The following ZNF696 variants were observed in gnomAD, a reference collection of about 807,000 sequenced individuals.
ZNF696 encodes zinc finger protein 696.
ZNF696 carries 10 observed loss-of-function variants against 12.3 expected under a neutral mutation model. The ratio of observed to expected loss-of-function variants is 0.81; its 90% CI spans 0.50 to 1.38. ZNF696 has a LOEUF of 1.38. Among genes scored for constraint, ZNF696 ranks in the 40% most tolerant of loss-of-function variants. ZNF696 has a pLI of 0.00. For missense variants in ZNF696, 675 were observed against 554.7 expected, an observed-to-expected ratio of 1.22 and a Z score of -2.18; for synonymous variants, 304 against 243.9, an observed-to-expected ratio of 1.25 and a Z score of -2.29.
chr8:143,294,310 C>T (rs1011597699), intron 2 of ZNF696, among the ~76,000 whole-genome samples: 3 of 152,218 alleles, frequency 2.0e-5, no homozygotes, highest in Admixed American at 6.5e-5. Context: ...GTTGCTCAGC[C>T]TGACCAGCGC....
Position 143,298,235 on chromosome 8 carries a change from TC to T in ZNF696, c.*1437del, listed in dbSNP as rs1453485319. 6.6e-6 allele frequency among the ~76,000 whole-genome samples: 1 copy of T among 152,182 alleles called. No homozygotes were observed. Among genetic ancestry groups the T allele is most frequent in the Non-Finnish European group, 1.5e-5 (1 of 68,038 alleles). On this transcript the variant is annotated 3_prime_UTR_variant, in exon 3 of 3. Transcript: ENST00000330143. ...AGGACTAATTGGGAAGAATTCTGGG[TC>T]CTGAGCTGGCTGCCGCTTCCAAGAC...
Position 143,296,198 on chromosome 8 carries a change from C to T in ZNF696, c.523C>T (p.His175Tyr), listed in dbSNP as rs1371850483. Reference protein sequence around the residue: ...SSHVVRHQRAHSGERPYACAE... With the variant: ...SSHVVRHQRAYSGERPYACAE... ...GCACGTGGTCCGGCACCAGCGGGCG[C>T]ACAGCGGGGAGAGGCCCTACGCGTG... Residue 175 changes from histidine (H) to tyrosine (Y), a missense_variant, in exon 3 of 3, where the codon CAC becomes TAC. Transcript: ENST00000330143. The T allele has an allele frequency of 2.5e-6, 4 of 1,596,438 alleles. No individual in the cohort carries two copies. The highest frequency in any genetic ancestry group is 3.4e-6 in the Non-Finnish European group (4 of 1,174,908).
At position 143,297,006 on chromosome 8, in the gene ZNF696, C is replaced by T. The variant is rs914693165; in HGVS notation, c.*206C>T. On this transcript the variant is annotated 3_prime_UTR_variant, in exon 3 of 3. Coordinates refer to ENST00000330143, the MANE Select transcript of ZNF696 (RefSeq NM_030895.3). ...AGGGCTCGGGGAAGGCGAGCGCTGCCCGCGGGAGGCGATTCCCAGAGGCGG... is the reference window on the plus strand; with the variant it reads ...AGGGCTCGGGGAAGGCGAGCGCTGCTCGCGGGAGGCGATTCCCAGAGGCGG... 1.6e-4 allele frequency: 80 copies of T among 492,494 alleles called. No homozygotes were observed. The highest frequency in any genetic ancestry group is 8.9e-5 in the Admixed American group (2 of 22,550). The allele number at this position is 492,494 out of a possible 1,614,324, so 30.5% of individuals were successfully genotyped here. A position where few individuals can be genotyped will look rare whatever the true frequency, so the allele number is the denominator to read the frequency against.
Position 143,296,710 on chromosome 8 carries a change from C to T in ZNF696, c.1035C>T (p.Gly345=), listed in dbSNP as rs1274442077. 1.9e-6 allele frequency: 3 copies of T among 1,554,136 alleles called. No homozygotes were observed. Among genetic ancestry groups the T allele is most frequent in the East Asian group, 2.4e-5 (1 of 42,078 alleles). The change falls in exon 3 of 3, where the codon GGC becomes GGT. Residue 345 remains glycine (G), a synonymous_variant. Coordinates refer to ENST00000330143, the MANE Select transcript of ZNF696 (RefSeq NM_030895.3). The part of the protein sequence containing the change: ...GFFRHQRLHT[G]EKPFRCTECG... The stretch of plus-strand genomic sequence containing the variant: ...TCCGGCACCAGCGACTCCACACGGG[C>T]GAGAAGCCGTTCCGCTGCACCGAGT...
intron 2 of ZNF696, chr8:143,293,423 C>T (rs1815657888): frequency 2.5e-6 from 1 of 406,402 alleles, no homozygotes; most frequent in Non-Finnish European, 4.4e-6. Context: ...ACCCTCGCCT[C>T]TGCCCACTTG....
In ZNF696 at chr8:143,293,198, G is replaced by C. The variant is rs1234038304; in HGVS notation, c.64+133G>C. The C allele has an allele frequency of 5.7e-6, 4 of 699,140 alleles. No individual in the cohort carries two copies. In the African/African-American group the frequency reaches 7.1e-5, roughly 12 times the overall value. 43.3% of individuals were successfully genotyped at this position (699,140 alleles called of 1,614,324 possible). ...CCTTGGGCGCAGGGTGAGGGAGGGA[G>C]GTAAACGCAGGCCCATCAGATCTCC... On this transcript the variant is annotated intron_variant, in intron 2 of 2. Transcript: ENST00000330143.
chr8:143,295,605 T>G, intron 2 of ZNF696, 135 bp from the exon 3 acceptor site: 1 of 1,023,448 alleles, frequency 9.8e-7, no homozygotes, highest in South Asian at 1.7e-5. Flanking sequence ...GGGAACTGAA[T>G]GGGCAAAATC....
In ZNF696 at chr8:143,296,518, C is replaced by T. The variant is rs778279255; in HGVS notation, c.843C>T (p.Leu281=). 50 of 1,607,228 alleles carry T rather than the reference C, an allele frequency of 3.1e-5. No individual in the cohort carries two copies. Among genetic ancestry groups the T allele is most frequent in the Non-Finnish European group, 4.0e-5 (47 of 1,179,210 alleles). Residue 281 remains leucine (L), a synonymous_variant, in exon 3 of 3, where the codon CTC becomes CTT. Coordinates refer to ENST00000330143, the MANE Select transcript of ZNF696 (RefSeq NM_030895.3). The part of the protein sequence containing the change: ...GQAFSQSSNL[L]QHQRVHTGER... ...CCTTCAGCCAGAGCTCCAACCTCCTCCAGCACCAGCGCGTGCACACGGGGG... is the reference window on the plus strand; with the variant it reads ...CCTTCAGCCAGAGCTCCAACCTCCTTCAGCACCAGCGCGTGCACACGGGGG...
rs757086398 is a variant in ZNF696, at chr8:143,296,434, C to G, written c.759C>G (p.Val253=). The change falls in exon 3 of 3, where the codon GTC becomes GTG. Residue 253 remains valine (V), a synonymous_variant. Coordinates refer to ENST00000330143, the MANE Select transcript of ZNF696 (RefSeq NM_030895.3). ...GKRFLHSSNV[V]RHRRTHHGEN... ...GCTTCCTGCACAGCTCGAACGTGGT[C>G]CGGCACCGGCGGACCCACCACGGGG... The G allele has an allele frequency of 5.0e-6, 8 of 1,605,742 alleles. No homozygotes were observed. In the Admixed American group the frequency reaches 6.7e-5, roughly 13 times the overall value.
rs981089137 is a variant in ZNF696, at chr8:143,296,904, C to T, written c.*104C>T. ...TGCGCGGTGAGGAAGTAACAGCCGG[C>T]TGCGCGCCTGGTTCTCGGGTTGCGA... On this transcript the variant is annotated 3_prime_UTR_variant, in exon 3 of 3. Transcript: ENST00000330143. 4.5e-6 allele frequency: 5 copies of T among 1,120,074 alleles called. No individual in the cohort carries two copies. In the East Asian group the frequency reaches 1.6e-4, roughly 37 times the overall value. 69.4% of individuals were successfully genotyped at this position (1,120,074 alleles called of 1,614,324 possible).
rs1238720063 is a variant in ZNF696, at chr8:143,298,684, A to G, written c.*1884A>G. ...TAGTTATGTGTGAGGTGTTCAAAGA[A>G]GTCGCGCAGTCAGTGATGAGAAAGC... On this transcript the variant is annotated 3_prime_UTR_variant, in exon 3 of 3. Transcript: ENST00000330143. 2.0e-5 allele frequency among the ~76,000 whole-genome samples: 3 copies of G among 152,240 alleles called. No homozygotes were observed. The highest frequency in any genetic ancestry group is 4.4e-5 in the Non-Finnish European group (3 of 68,042).
At position 143,298,232 on chromosome 8, in the gene ZNF696, G is replaced by A. The variant is rs1027940013; in HGVS notation, c.*1432G>A. On this transcript the variant is annotated 3_prime_UTR_variant, in exon 3 of 3. Transcript: ENST00000330143. ...GTAAGGACTAATTGGGAAGAATTCT[G>A]GGTCCTGAGCTGGCTGCCGCTTCCA... Among the ~76,000 whole-genome samples, 1 of 152,126 alleles carries A rather than the reference G, an allele frequency of 6.6e-6. No individual in the cohort carries two copies. Among genetic ancestry groups the A allele is most frequent in the Non-Finnish European group, 1.5e-5 (1 of 68,032 alleles).
chr8:143,296,776 C>T lies in ZNF696; in HGVS notation c.1101C>T (p.His367=). 4 of 1,434,090 alleles carry T rather than the reference C, an allele frequency of 2.8e-6. No homozygotes were observed. The highest frequency in any genetic ancestry group is 1.5e-5 in the South Asian group (1 of 67,602). 88.8% of individuals were successfully genotyped at this position (1,434,090 alleles called of 1,614,324 possible). The change falls in exon 3 of 3, where the codon CAC becomes CAT. Residue 367 remains histidine, a synonymous_variant. Transcript: ENST00000330143. ...AFRLSFHLIQ[H]RRVHGAE Reference sequence around the variant, plus strand: ...GCCTGAGCTTCCACCTCATCCAGCACCGGCGGGTGCATGGCGCCGAGTGAG... The same window carrying T: ...GCCTGAGCTTCCACCTCATCCAGCATCGGCGGGTGCATGGCGCCGAGTGAG...
At chr8:143,293,344 C>T (rs1442961926) in intron 2 of ZNF696, 3 of 537,924 alleles carry the variant, frequency 5.6e-6, no homozygotes, top group African/African-American at 3.8e-5. Context: ...ACCTTGGCAC[C>T]GTGGCTGTTT....
rs1256397276 is a variant in ZNF696 at position 143,296,447 on chromosome 8, AC to A, written c.775del (p.His259ThrfsTer102). ...HSSNVVRHRR[T>X]HHGENPYECR... ...CTCGAACGTGGTCCGGCACCGGCGGACCCACCACGGGGAGAACCCGTACGAG... is the reference window on the plus strand; with the variant it reads ...CTCGAACGTGGTCCGGCACCGGCGGACCACCACGGGGAGAACCCGTACGAG... On this transcript the variant is annotated frameshift_variant, in exon 3 of 3. Transcript: ENST00000330143. LOFTEE classifies it high-confidence loss of function. 1.3e-6 allele frequency: 2 copies of A among 1,594,860 alleles called. No individual in the cohort carries two copies. The highest frequency in any genetic ancestry group is 1.7e-6 in the Non-Finnish European group (2 of 1,175,310).
chr8:143,296,122 G>A lies in ZNF696; in HGVS notation c.447G>A (p.Gly149=). 1 of 1,609,978 alleles carries A rather than the reference G, an allele frequency of 6.2e-7. No individual in the cohort carries two copies. The highest frequency in any genetic ancestry group is 1.1e-5 in the South Asian group (1 of 90,796). The stretch of plus-strand genomic sequence containing the variant: ...CAAAGCACCGGAGCATCCACTCGGG[G>A]GAGAAACCGTACGAGTGCAGCGACT... ...DAAKHRSIHS[G]EKPYECSDCG... Residue 149 remains glycine, a synonymous_variant, in exon 3 of 3, where the codon GGG becomes GGA. Transcript: ENST00000330143.
chr8:143,296,276 C>A lies in ZNF696; in HGVS notation c.601C>A (p.Arg201Ser). Residue 201 changes from arginine to serine, a missense_variant, in exon 3 of 3, where the codon CGC becomes AGC. Physicochemically the swap from Arg to Ser is moderately radical, Grantham distance 110. Transcript: ENST00000330143. ...GAGCTTCAACCTCCTCCGGCACCAG[C>A]GCGTGCACACGGGCGAGAAGCCCTA... is the stretch of plus-strand genomic sequence containing the variant. Reference protein sequence around the residue: ...GQSFNLLRHQRVHTGEKPYAC... With the variant: ...GQSFNLLRHQSVHTGEKPYAC... 6.3e-7 allele frequency: 1 copy of A among 1,598,906 alleles called. No homozygotes were observed. Among genetic ancestry groups the A allele is most frequent in the South Asian group, 1.1e-5 (1 of 90,442 alleles).
Position 143,298,530 on chromosome 8 carries a change from T to C in ZNF696, c.*1730T>C, listed in dbSNP as rs115016258. 0.02 allele frequency among the ~76,000 whole-genome samples: 3,006 copies of C among 152,262 alleles called. 102 individuals carry two copies. Among genetic ancestry groups the C allele is most frequent in the African/African-American group, 0.069 (2,866 of 41,538 alleles). ...CTCATTCCTGCTCGTAAGTCAGGCATTCAGCTTGCAAAGATCCCCAAGCAC... is the reference window on the plus strand; with the variant it reads ...CTCATTCCTGCTCGTAAGTCAGGCACTCAGCTTGCAAAGATCCCCAAGCAC... On this transcript the variant is annotated 3_prime_UTR_variant, in exon 3 of 3. Coordinates refer to ENST00000330143, the MANE Select transcript of ZNF696 (RefSeq NM_030895.3).
rs1029966676 is a variant in ZNF696 at position 143,291,577 on chromosome 8, T to C, written c.-221T>C. The C allele has an allele frequency of 1.0e-6, 1 of 984,056 alleles. No homozygotes were observed. The highest frequency in any genetic ancestry group is 1.2e-6 in the Non-Finnish European group (1 of 828,874). The allele number at this position is 984,056 out of a possible 1,614,324, so 61.0% of individuals were successfully genotyped here. ...TCCTTGCAGTGCAGGCCCCAGCCGC[T>C]CTCGGGCGCGGCGTGGGGGAGGCGG... On this transcript the variant is annotated 5_prime_UTR_variant, in exon 1 of 3. Transcript: ENST00000330143.
Sources: gnomAD v4.1 joint callset for allele counts (sites outside exome capture counted in the v4.1 genomes callset) on GRCh38, gnomAD v4.1.1 for gene constraint, MANE v1.5 for transcripts, NCBI Gene and HGNC (gene_info 2026-07-23, HGNC 2026-07-21) for gene names.